NLGN1: variants seen among roughly 807,000 people sequenced by gnomAD.
NLGN1 encodes neuroligin-1.
A neutral mutation model predicts 65.5 loss-of-function variants in NLGN1; 12 were observed. The ratio of observed to expected loss-of-function variants is 0.18; its 90% CI spans 0.12 to 0.30. The LOEUF (loss-of-function observed/expected upper bound fraction) is 0.30, where lower values mean the gene tolerates loss of function less well. Ranked by LOEUF, NLGN1 falls within the 10% of genes least tolerant of loss-of-function variation. NLGN1 has a pLI of 1.00. For synonymous variants in NLGN1, 350 were observed against 359.5 expected (o/e 0.97, Z 0.30); for missense variants, 750 against 1,007.1 (o/e 0.74, Z 3.46).
intron 1 of NLGN1, among the ~76,000 whole-genome samples, chr3:173,430,644 G>T (rs1435265676): frequency 5.9e-5 from 9 of 152,170 alleles, no homozygotes; most frequent in African/African-American, 2.2e-4. Flanking sequence ...AATATAGGAG[G>T]TGTGACCTAG....
At position 173,911,071 on chromosome 3, in the gene NLGN1, G is replaced by A. The variant is rs541798216; in HGVS notation, c.646+103239G>A. Among the ~76,000 whole-genome samples, 6 of 152,174 alleles carry A rather than the reference G, an allele frequency of 3.9e-5. No homozygotes were observed. In the East Asian group the frequency reaches 1.2e-3, roughly 29 times the overall value. ...AATGTAGGTATAAGAGACTAAATTT[G>A]TGAAAAATCTCCTAAACTCACTGTA... On this transcript the variant is annotated intron_variant, in intron 4 of 6. Transcript: ENST00000457714.
intron 4 of NLGN1, among the ~76,000 whole-genome samples, chr3:174,049,249 G>A (rs77337304): frequency 0.025 from 3,845 of 152,092 alleles, 65 homozygotes; most frequent in African/African-American, 0.031. Flanking sequence ...TGATATTTTC[G>A]AAAAAGTTAA....
chr3:174,227,695 A>G (rs1302838079), intron 4 of NLGN1, among the ~76,000 whole-genome samples: 1 of 152,114 alleles, frequency 6.6e-6, no homozygotes, highest in Non-Finnish European at 1.5e-5. Flanking sequence ...CTAAAGATTC[A>G]TAAATGTCTG....
intron 4 of NLGN1, among the ~76,000 whole-genome samples, chr3:174,193,491 G>C (rs972778672): frequency 1.3e-5 from 2 of 152,150 alleles, no homozygotes; most frequent in Admixed American, 6.5e-5. Context: ...GTTTCAAGGA[G>C]TATCAGAAAC....
chr3:173,849,360 C>G (rs1187265439), intron 4 of NLGN1, among the ~76,000 whole-genome samples: 2 of 151,874 alleles, frequency 1.3e-5, no homozygotes, highest in Admixed American at 1.3e-4. Context: ...AAATTTAATC[C>G]CATATTGACT....
At chr3:173,929,695 T>C (rs1296042644) in intron 4 of NLGN1, among the ~76,000 whole-genome samples, 1 of 151,508 alleles carries the variant, frequency 6.6e-6, no homozygotes, top group Non-Finnish European at 1.5e-5. Context: ...TTTCTTTTTT[T>C]CTTTTTTTCT....
At chr3:173,945,227 G>A (rs1746934200) in intron 4 of NLGN1, among the ~76,000 whole-genome samples, 1 of 151,888 alleles carries the variant, frequency 6.6e-6, no homozygotes, top group Non-Finnish European at 1.5e-5. Flanking sequence ...AGAGGGGGTG[G>A]TGGGAACAGG....
At chr3:174,282,599 T>C (rs1751672495) in exon 7 of NLGN1, 1 of 152,168 alleles carries the variant, frequency 6.6e-6, no homozygotes, top group Admixed American at 6.6e-5. Flanking sequence ...ATATGTGTGA[T>C]TTTAAACGAA....
chr3:174,048,224 G>C (rs1450776795), intron 4 of NLGN1, among the ~76,000 whole-genome samples: 2 of 152,032 alleles, frequency 1.3e-5, no homozygotes, highest in South Asian at 4.1e-4. Context: ...ATGGGCTGCT[G>C]GTTTAATGTT....
At chr3:173,797,689 A>C (rs1714413797) in intron 3 of NLGN1, among the ~76,000 whole-genome samples, 1 of 55,342 alleles carries the variant, frequency 1.8e-5, no homozygotes, top group African/African-American at 5.6e-5. Flanking sequence ...TAAAACAACA[A>C]CAACAACAAC....
intron 4 of NLGN1, among the ~76,000 whole-genome samples, chr3:173,923,837 TGA>T (rs1466555432): frequency 6.6e-6 from 1 of 152,178 alleles, no homozygotes; most frequent in African/African-American, 2.4e-5. Flanking sequence ...AGTTGTCAGC[TGA>T]GAGATCATTA....
intron 1 of NLGN1, among the ~76,000 whole-genome samples, chr3:173,433,686 T>G (rs963589404): frequency 1.3e-5 from 2 of 152,172 alleles, no homozygotes; most frequent in African/African-American, 2.4e-5. Context: ...ATGTTGAGTG[T>G]TTAATTTATA....
chr3:173,955,023 A>C (rs1711631271), intron 4 of NLGN1, among the ~76,000 whole-genome samples: 1 of 152,134 alleles, frequency 6.6e-6, no homozygotes, highest in Non-Finnish European at 1.5e-5. Context: ...TTTTGGCTAC[A>C]ACTATTTGAC....
intron 4 of NLGN1, among the ~76,000 whole-genome samples, chr3:174,111,946 A>T (rs1715320059): frequency 6.6e-6 from 1 of 151,964 alleles, no homozygotes; most frequent in African/African-American, 2.4e-5. Flanking sequence ...TGGATGTACC[A>T]GTGGAAGTAG....
At chr3:173,616,053 GA>G (rs1753017046) in intron 3 of NLGN1, among the ~76,000 whole-genome samples, 1 of 152,030 alleles carries the variant, frequency 6.6e-6, no homozygotes, top group Non-Finnish European at 1.5e-5. Flanking sequence ...GCACCCTGAG[GA>G]AAGGAGGCAA....
intron 4 of NLGN1, among the ~76,000 whole-genome samples, chr3:174,178,694 A>AT (rs879863427): frequency 1.3e-5 from 2 of 151,822 alleles, no homozygotes; most frequent in East Asian, 1.9e-4. Context: ...TCTCCTGTGT[A>AT]TTTTTTTTCC....
At chr3:173,890,565 A>G (rs577134563) in intron 4 of NLGN1, among the ~76,000 whole-genome samples, 3 of 152,338 alleles carry the variant, frequency 2.0e-5, no homozygotes, top group East Asian at 1.9e-4. Context: ...GGTCATTTAT[A>G]TAAACCTGGA....
chr3:174,201,153 G>A (rs1198009013), intron 4 of NLGN1, among the ~76,000 whole-genome samples: 1 of 151,906 alleles, frequency 6.6e-6, no homozygotes, highest in Non-Finnish European at 1.5e-5. Flanking sequence ...TGGGAGGAGA[G>A]CATGAACCCA....
intron 4 of NLGN1, among the ~76,000 whole-genome samples, chr3:174,193,195 G>T (rs181908971): frequency 1.7e-3 from 258 of 152,264 alleles, no homozygotes; most frequent in Non-Finnish European, 3.0e-3. Flanking sequence ...GTTTTAAAAA[G>T]TTTACTAGAG....
Sources: allele counts gnomAD v4.1 joint callset (sites outside exome capture counted in the v4.1 genomes callset), GRCh38; gene constraint gnomAD v4.1.1; transcripts MANE v1.5; gene names NCBI Gene and HGNC (gene_info 2026-07-23, HGNC 2026-07-21).